Variants in CHD6 observed in about 807,000 individuals in gnomAD.
CHD6 encodes chromodomain helicase DNA binding protein 6.
CHD6 carries 50 observed loss-of-function variants against 276.9 expected under a neutral mutation model. The ratio of observed to expected loss-of-function variants is 0.18; its 90% confidence interval spans 0.14 to 0.23. The LOEUF (loss-of-function observed/expected upper bound fraction) is 0.23, where lower values mean the gene tolerates loss of function less well. Ranked by LOEUF, CHD6 falls within the 10% of genes least tolerant of loss-of-function variation. The pLI is 1.00. For synonymous variants in CHD6, 1,173 were observed against 1,229.3 expected (o/e 0.95, Z 0.96); for missense variants, 2,564 against 3,365.8 (o/e 0.76, Z 5.89).
chr20:41,588,002 G>C (rs2045614552), intron 1 of CHD6, among the ~76,000 whole-genome samples: 1 of 152,064 alleles, frequency 6.6e-6, no homozygotes, highest in African/African-American at 2.4e-5. Context: ...AAAAGTAAGA[G>C]GGAGCATAGT....
chr20:41,572,891 A>G (rs1293221668), intron 1 of CHD6, among the ~76,000 whole-genome samples: 1 of 152,086 alleles, frequency 6.6e-6, no homozygotes, highest in Non-Finnish European at 1.5e-5. Context: ...TGTACTTGGG[A>G]CAGTATAATT....
intron 1 of CHD6, among the ~76,000 whole-genome samples, chr20:41,583,045 G>A (rs1303582016): frequency 6.6e-6 from 1 of 152,188 alleles, no homozygotes; most frequent in African/African-American, 2.4e-5. Context: ...GATGGCAGAA[G>A]GGGATAGAGG....
chr20:41,474,373 A>G (rs1235376330), intron 16 of CHD6, among the ~76,000 whole-genome samples: 1 of 152,196 alleles, frequency 6.6e-6, no homozygotes, highest in Non-Finnish European at 1.5e-5. Flanking sequence ...AGAGACCTTT[A>G]CGTTGGAGAT....
rs372321539 is a variant in CHD6, at chr20:41,610,257, T to C, written c.-24+8083A>G. Among the ~76,000 whole-genome samples the C allele has an allele frequency of 9.3e-4, 142 of 152,312 alleles. 1 individual carries two copies. The highest frequency in any genetic ancestry group is 3.0e-3 in the African/African-American group (126 of 41,574). On this transcript the variant is annotated intron_variant, in intron 1 of 36. Transcript: ENST00000373233. Reference sequence around the variant, plus strand: ...GAATATACTACAATCAATCTTATCATTGATTTTTAGGAGTTTAAAATTTGT... The same window carrying C: ...GAATATACTACAATCAATCTTATCACTGATTTTTAGGAGTTTAAAATTTGT...
intron 2 of CHD6, among the ~76,000 whole-genome samples, 187 bp downstream of exon 2, chr20:41,551,118 T>A (rs1013132758): frequency 6.6e-6 from 1 of 152,212 alleles, no homozygotes; most frequent in Non-Finnish European, 1.5e-5. Context: ...TACGTGAAGA[T>A]GAACTGAGCA....
At chr20:41,571,389 ATTTTTT>A (rs11373605) in intron 1 of CHD6, among the ~76,000 whole-genome samples, 1 of 129,962 alleles carries the variant, frequency 7.7e-6, no homozygotes, top group Admixed American at 7.7e-5. Context: ...CTGGCCATTA[ATTTTTT>A]TTTTTTTTTT....
intron 2 of CHD6, among the ~76,000 whole-genome samples, chr20:41,543,256 G>GAGGCTA (rs1323120953): frequency 2.6e-5 from 4 of 152,184 alleles, no homozygotes; most frequent in Admixed American, 2.0e-4. Context: ...GAAGCCTAGA[G>GAGGCTA]AGGCTAAATA....
chr20:41,417,495 C>T, intron 31 of CHD6, 146 bp from the exon 32 acceptor site: 3 of 700,332 alleles, frequency 4.3e-6, no homozygotes, highest in Non-Finnish European at 6.5e-6. Flanking sequence ...ATTATGATAT[C>T]TTCTATTTCC....
chr20:41,420,844 G>A lies in CHD6; in HGVS notation c.5791C>T (p.Pro1931Ser). Residue 1931 changes from proline to serine, a missense_variant, in exon 31 of 37, where the codon CCC (proline) becomes TCC (serine). Transcript: ENST00000373233. ...TGGCACTGACAGGCTGCTGGAGCGGGGAAAGCCCTCTGTAGCCCAGGAGTC... is the reference window on the plus strand; with the variant it reads ...TGGCACTGACAGGCTGCTGGAGCGGAGAAAGCCCTCTGTAGCCCAGGAGTC... ...NQTPGLQRAF[P>S]APAACQCHCK... 3.1e-6 allele frequency: 5 copies of A among 1,614,150 alleles called. No homozygotes were observed. Among genetic ancestry groups the A allele is most frequent in the Non-Finnish European group, 4.2e-6 (5 of 1,180,034 alleles).
chr20:41,408,410 C>T (rs570238039), intron 36 of CHD6, among the ~76,000 whole-genome samples: 7 of 152,166 alleles, frequency 4.6e-5, no homozygotes, highest in Non-Finnish European at 5.9e-5. Flanking sequence ...TCACTGGGGA[C>T]GCAATTCCTG....
rs767834652 is a variant in CHD6 at position 41,405,360 on chromosome 20, G to A, written c.7381C>T (p.Pro2461Ser). 13 of 1,614,112 alleles carry A rather than the reference G, an allele frequency of 8.1e-6. No individual in the cohort carries two copies. The highest frequency in any genetic ancestry group is 1.3e-5 in the African/African-American group (1 of 74,946). ...LKAPSIVADS[P>S]SGMGPLFMNG... ...ATGAACAGTGGCCCCATTCCAGAGGGAGAGTCTGCCACAATGGAAGGAGCC... is the reference window on the plus strand; with the variant it reads ...ATGAACAGTGGCCCCATTCCAGAGGAAGAGTCTGCCACAATGGAAGGAGCC... Residue 2461 changes from proline (P) to serine (S), a missense_variant, in exon 37 of 37, where the codon CCC becomes TCC. Around this residue, in one of 7 missense-constraint regions of CHD6, gnomAD observed 1,024 missense variants for 1,047.9 expected, o/e 0.98. Transcript: ENST00000373233.
intron 2 of CHD6, among the ~76,000 whole-genome samples, chr20:41,537,510 C>T (rs1258666673): frequency 6.6e-6 from 1 of 151,982 alleles, no homozygotes; most frequent in African/African-American, 2.4e-5. Context: ...TCATGTAAGG[C>T]GTTAGAACAA....
At chr20:41,576,127 G>A (rs549635286) in intron 1 of CHD6, among the ~76,000 whole-genome samples, 4 of 152,084 alleles carry the variant, frequency 2.6e-5, no homozygotes, top group African/African-American at 4.8e-5. Context: ...TCAGGAAAAT[G>A]ATTCAGGAAA....
intron 5 of CHD6, among the ~76,000 whole-genome samples, chr20:41,505,638 TTA>T (rs1239280088): frequency 6.6e-6 from 1 of 152,236 alleles, no homozygotes; most frequent in Admixed American, 6.5e-5. Flanking sequence ...TTTTTGTAAT[TTA>T]TATATATATT....
intron 1 of CHD6, among the ~76,000 whole-genome samples, chr20:41,558,670 G>C (rs1276292889): frequency 1.3e-5 from 2 of 151,862 alleles, no homozygotes; most frequent in Non-Finnish European, 2.9e-5. Context: ...TCATCTCCTG[G>C]GGACAAGTAA....
chr20:41,542,021 T>C (rs1450881083), intron 2 of CHD6, among the ~76,000 whole-genome samples: 2 of 152,152 alleles, frequency 1.3e-5, no homozygotes, highest in African/African-American at 2.4e-5. Context: ...AGGGAAGAAT[T>C]AGGAGGAGAG....
Position 41,556,254 on chromosome 20 carries a change from G to A in CHD6, c.-23-4894C>T, listed in dbSNP as rs112655058. Among the ~76,000 whole-genome samples the A allele has an allele frequency of 6.7e-4, 101 of 151,806 alleles. 1 individual carries two copies. The highest frequency in any genetic ancestry group is 2.4e-4 in the Non-Finnish European group (16 of 67,910). ...GAGGGAGACCGTGGAAAGAGGGAGAGGGAGAGGGAGACCGTGGGGAGACGG... is the reference window on the plus strand; with the variant it reads ...GAGGGAGACCGTGGAAAGAGGGAGAAGGAGAGGGAGACCGTGGGGAGACGG... On this transcript the variant is annotated intron_variant, in intron 1 of 36. Transcript: ENST00000373233.
At position 41,487,785 on chromosome 20, in the gene CHD6, T is replaced by C. The variant is rs764880691; in HGVS notation, c.1881A>G (p.Gly627=). 63 of 1,610,722 alleles carry C rather than the reference T, an allele frequency of 3.9e-5. No homozygotes were observed. The highest frequency in any genetic ancestry group is 1.6e-4 in the Middle Eastern group (1 of 6,074). The part of the protein sequence containing the change: ...MALEHKVLLT[G]TPLQNSVEEL... ...CCTCCACAGAGTTCTGCAAGGGTGT[T>C]CCAGTGAGAAGCACTTTATGTTCCT... is the stretch of plus-strand genomic sequence containing the variant. The change falls in exon 14 of 37, where the codon GGA becomes GGG. Residue 627 remains glycine (G), a synonymous_variant. Coordinates refer to ENST00000373233, the MANE Select transcript of CHD6 (RefSeq NM_032221.5).
At chr20:41,437,939 AGGCTCCAGC>A (rs746819318) in intron 26 of CHD6, among the ~76,000 whole-genome samples, 3 of 152,238 alleles carry the variant, frequency 2.0e-5, no homozygotes, top group African/African-American at 4.8e-5. Flanking sequence ...CTGCAGCATG[AGGCTCCAGC>A]CTCACGTCTA....
Sources: gnomAD v4.1 joint callset for allele counts (sites outside exome capture counted in the v4.1 genomes callset) on GRCh38, gnomAD v4.1.1 for gene constraint, gnomAD v4.1.1 regional missense constraint, MANE v1.5 for transcripts, NCBI Gene and HGNC (gene_info 2026-07-23, HGNC 2026-07-21) for gene names.